The following GREP1 variants were observed in gnomAD, a reference collection of about 807,000 sequenced individuals.
GREP1 encodes glycine-rich extracellular protein 1.
intron 23 of GREP1, among the ~76,000 whole-genome samples, 198 bp downstream of exon 21, chr16:2,998,033 C>A (rs564584414): frequency 8.5e-6 from 1 of 117,488 alleles, no homozygotes; most frequent in Non-Finnish European, 1.7e-5. Context: ...CAGGCTCCAA[C>A]GGACAGAGTT....
At chr16:2,990,637 A>G (rs2072393904) in intron 7 of GREP1, 50 bp downstream of exon 6, 1 of 398,950 alleles carries the variant, frequency 2.5e-6, no homozygotes, top group African/African-American at 2.1e-5. Context: ...GGGGGTGCCT[A>G]ATCTTTGCCT....
At chr16:2,994,541 A>T in intron 10 of GREP1, 157 bp from the exon 12 acceptor site, 1 of 397,750 alleles carries the variant, frequency 2.5e-6, no homozygotes. Flanking sequence ...CAGACCCAAG[A>T]TGTGGCAGGA....
intron 10 of GREP1, chr16:2,993,605 A>G (rs1402828605): frequency 6.6e-6 from 1 of 152,106 alleles, no homozygotes; most frequent in African/African-American, 2.4e-5. Context: ...AAGTCGAGGT[A>G]GTAGTGAGTG....
At chr16:2,988,758 C>T (rs887803035) in intron 2 of GREP1, 136 bp downstream of exon 2, 3 of 398,228 alleles carry the variant, frequency 7.5e-6, no homozygotes, top group Non-Finnish European at 1.3e-5. Flanking sequence ...GGCAGGGAGT[C>T]TCATCAAGTG....
At position 2,997,360 on chromosome 16, in the gene GREP1, AC is replaced by A. The variant is rs1182031893; in HGVS notation, c.887-24del. ...GCCCTCTCCTTAGCTAGAATCCCAA[AC>A]CCCCTGCTCACCCCTCCCTCCCCAC... On this transcript the variant is annotated intron_variant, in intron 21 of 34. Transcript: ENST00000573315. The A allele has an allele frequency of 2.0e-5, 8 of 397,020 alleles. No individual in the cohort carries two copies. In the South Asian group the frequency reaches 3.9e-4, roughly 19 times the overall value. 24.6% of individuals were successfully genotyped at this position (397,020 alleles called of 1,614,324 possible). A position where few individuals can be genotyped will look rare whatever the true frequency, so the allele number is the denominator to read the frequency against.
intron 21 of GREP1, 29 bp downstream of exon 20, chr16:2,997,114 C>G (rs1268641684): frequency 2.5e-6 from 1 of 399,056 alleles, no homozygotes; most frequent in Non-Finnish European, 4.4e-6. Flanking sequence ...GTCCCTCTGC[C>G]TCCCCCAAAC....
exon 4 of GREP1, chr16:2,990,003 C>T: frequency 2.5e-6 from 1 of 399,378 alleles, no homozygotes; most frequent in Non-Finnish European, 4.4e-6. Flanking sequence ...GCCACAGAAG[C>T]CAGGTGAGCC....
intron 13 of GREP1, 66 bp downstream of exon 14, chr16:2,995,028 G>T: frequency 2.5e-6 from 1 of 398,958 alleles, no homozygotes; most frequent in Admixed American, 4.4e-5. Flanking sequence ...CCAGGGGCGG[G>T]ATTGGTGAAT....
In GREP1 at chr16:3,001,347, C is replaced by T. The variant is rs566939941; in HGVS notation, c.1585+13C>T. On this transcript the variant is annotated intron_variant, in intron 34 of 34. Transcript: ENST00000573315. ...AATGGCTACGGAGGTGAGAGGGAGG[C>T]GCAATGGCCGAGCCGCCTGCCCAAA... 1.9e-4 allele frequency: 76 copies of T among 399,114 alleles called. No individual in the cohort carries two copies. In the East Asian group the frequency reaches 2.1e-3, roughly 11 times the overall value. 24.7% of individuals were successfully genotyped at this position (399,114 alleles called of 1,614,324 possible).
exon 25 of GREP1, chr16:2,998,510 T>G (rs941571565): frequency 1.3e-5 from 5 of 398,678 alleles, no homozygotes; most frequent in African/African-American, 1.0e-4. Flanking sequence ...GCCATGAAAA[T>G]GGGCCCTGGC....
intron 13 of GREP1, 63 bp downstream of exon 14, chr16:2,995,025 C>A: frequency 2.5e-6 from 1 of 398,876 alleles, no homozygotes; most frequent in Non-Finnish European, 4.4e-6. Context: ...CTCCCAGGGG[C>A]GGGATTGGTG....
chr16:2,992,782 C>A lies in GREP1; in HGVS notation c.323-23C>A. ...CATCCCCACTGCACCACCTTCCACA[C>A]TCCTGTGTCTGCCCTCAAACAGGTC... On this transcript the variant is annotated intron_variant, in intron 8 of 34. Coordinates refer to ENST00000573315, the Ensembl canonical transcript of GREP1. This position sits in a 1 kb window ranked among gnomAD's most constrained non-coding sequence, Gnocchi z 4.9. 2.5e-6 allele frequency: 1 copy of A among 399,222 alleles called. No individual in the cohort carries two copies. The allele number at this position is 399,222 out of a possible 1,614,324, so 24.7% of individuals were successfully genotyped here. A position where few individuals can be genotyped will look rare whatever the true frequency, so the allele number is the denominator to read the frequency against.
At chr16:2,988,724 G>C in intron 2 of GREP1, 102 bp downstream of exon 2, 1 of 398,810 alleles carries the variant, frequency 2.5e-6, no homozygotes, top group Non-Finnish European at 4.4e-6. Flanking sequence ...GCCCAGGAGA[G>C]CTCAGGGCCC....
exon 26 of GREP1, chr16:2,998,911 C>T (rs1011255672): frequency 1.8e-5 from 7 of 399,052 alleles, no homozygotes; most frequent in East Asian, 7.1e-5. Context: ...GGGGTCCCTT[C>T]GGACAAAGAG....
At chr16:2,999,445 C>G (rs1289436471) in intron 27 of GREP1, 3 of 355,262 alleles carry the variant, frequency 8.4e-6, no homozygotes, top group African/African-American at 4.3e-5. Flanking sequence ...CACCCGAAGG[C>G]CAGGAAGTCC....
intron 21 of GREP1, 126 bp downstream of exon 20, chr16:2,997,211 G>A (rs1027454583): frequency 1.1e-4 from 45 of 398,812 alleles, no homozygotes; most frequent in Non-Finnish European, 1.7e-4. Flanking sequence ...AGGGGGTGTC[G>A]GGCTGATGTC....
At chr16:2,999,739 A>C (rs768409450) in intron 27 of GREP1, among the ~76,000 whole-genome samples, 163 bp from the exon 25 acceptor site, 1 of 152,190 alleles carries the variant, frequency 6.6e-6, no homozygotes, top group Non-Finnish European at 1.5e-5. Context: ...GGCGTGAGCC[A>C]CTGCGCCCAG....
At chr16:2,993,120 C>T in intron 10 of GREP1, 157 bp downstream of exon 11, 1 of 394,088 alleles carries the variant, frequency 2.5e-6, no homozygotes, top group Non-Finnish European at 4.5e-6. Context: ...AGCTGGAACC[C>T]AGGCAGGTAA....
At chr16:2,988,919 C>T (rs1233087500) in intron 2 of GREP1, 23 of 358,548 alleles carry the variant, frequency 6.4e-5, no homozygotes, top group South Asian at 1.5e-4. Context: ...CAAAGGGGGC[C>T]GGAGGGGGAG....
Sources: gnomAD v4.1 joint callset for allele counts (sites outside exome capture counted in the v4.1 genomes callset) on GRCh38, gnomAD v4.1.1 for gene constraint, Gnocchi (gnomAD v3.1) non-coding constraint, MANE v1.5 for transcripts, NCBI Gene and HGNC (gene_info 2026-07-23, HGNC 2026-07-21) for gene names.